Variants in REG1B observed in about 807,000 individuals in gnomAD.
The protein encoded by REG1B is lithostathine-1-beta.
In REG1B, 21 loss-of-function variants were observed where a neutral mutation model predicts 20.4. The observed-to-expected ratio is 1.03, with a 90% confidence interval of 0.73 to 1.48. The LOEUF (loss-of-function observed/expected upper bound fraction) is 1.48. Among genes scored for constraint, REG1B ranks in the 40% most tolerant of loss-of-function variants. The probability of loss-of-function intolerance (pLI) is 0.00; values close to 1 mark genes in which losing one functional copy is unlikely to be tolerated. For missense variants in REG1B, 247 were observed against 197.2 expected, an observed-to-expected ratio of 1.25 and a Z score of -1.51; for synonymous variants, 82 against 73.4, an observed-to-expected ratio of 1.12 and a Z score of -0.60.
At chr2:79,085,319 C>A in intron 5 of REG1B, 36 bp from the exon 6 acceptor site, 1 of 1,521,914 alleles carries the variant, frequency 6.6e-7, no homozygotes, top group South Asian at 1.1e-5. Flanking sequence ...CATAGAGGAT[C>A]AGAAGGAGTG....
rs1442533667 is a variant in REG1B at position 79,085,180 on chromosome 2, C to A, written c.*36G>T. The A allele has an allele frequency of 6.7e-7, 1 of 1,497,324 alleles. No individual in the cohort carries two copies. Among genetic ancestry groups the A allele is most frequent in the Non-Finnish European group, 9.3e-7 (1 of 1,073,576 alleles). The allele number at this position is 1,497,324 out of a possible 1,614,324, so 92.8% of individuals were successfully genotyped here. A position where few individuals can be genotyped will look rare whatever the true frequency, so the allele number is the denominator to read the frequency against. ...TTAATTTTTGACTTCATAGTAATTG[C>A]AGGACCAGTTCTAGACATCCATTTT... On this transcript the variant is annotated 3_prime_UTR_variant, in exon 6 of 6. Transcript: ENST00000305089.
intron 2 of REG1B, chr2:79,087,237 C>A: frequency 3.7e-6 from 2 of 533,914 alleles, no homozygotes; most frequent in South Asian, 2.5e-5. Flanking sequence ...GGTTTCCCTG[C>A]ACACGTTTGC....
chr2:79,086,997 T>G, intron 2 of REG1B, 67 bp from the exon 3 acceptor site: 1 of 1,305,590 alleles, frequency 7.7e-7, no homozygotes, highest in Non-Finnish European at 1.1e-6. Flanking sequence ...GGAAGGTGAA[T>G]TAGGGGCTTC....
At chr2:79,085,436 C>T (rs1035877165) in intron 5 of REG1B, 56 bp downstream of exon 5, 2 of 1,453,768 alleles carry the variant, frequency 1.4e-6, no homozygotes, top group Non-Finnish European at 1.9e-6. Flanking sequence ...CATGTTCATC[C>T]CCAGAGATAA....
chr2:79,087,063 T>G (rs1672411460), intron 2 of REG1B, 133 bp from the exon 3 acceptor site: 1 of 718,726 alleles, frequency 1.4e-6, no homozygotes, highest in South Asian at 1.7e-5. Flanking sequence ...GATTGCTCAC[T>G]TCTGCCCTCC....
intron 4 of REG1B, 29 bp from the exon 5 acceptor site, chr2:79,085,632 C>G: frequency 6.9e-7 from 1 of 1,446,530 alleles, no homozygotes; most frequent in Non-Finnish European, 9.6e-7. Flanking sequence ...GAACAGGGGC[C>G]ATGGTCACTC....
rs267599468 is a variant in REG1B at position 79,085,589 on chromosome 2, G to C, written c.336C>G (p.His112Gln). ...AGGAGACCAGGGACCCACTACTCCA[G>C]TGCCAGCGGCGGTTCTAGATGGAGA... Reference protein sequence around the residue: ...LHDPKKNRRWHWSSGSLVSYK... With the variant: ...LHDPKKNRRWQWSSGSLVSYK... Residue 112 changes from histidine to glutamine, a missense_variant, in exon 5 of 6, where the codon CAC becomes CAG. His to Gln is a conservative substitution (Grantham distance 24). Transcript: ENST00000305089. The C allele has an allele frequency of 1.9e-6, 3 of 1,612,714 alleles. No individual in the cohort carries two copies. The highest frequency in any genetic ancestry group is 1.7e-5 in the Admixed American group (1 of 59,904).
chr2:79,086,710 A>G (rs1393005169), intron 3 of REG1B, 102 bp downstream of exon 3: 2 of 1,331,342 alleles, frequency 1.5e-6, no homozygotes, highest in Admixed American at 1.7e-5. Context: ...TGGAATAGGG[A>G]AGGGATCAAT....
rs75903719 is a variant in REG1B at position 79,087,595 on chromosome 2, C to T, written c.18G>A (p.Ser6=). ...TCAGGGAGGAGATCAGCATGAAGAA[C>T]GAGTTGGTCTGAGCCATGCTTAGCG... MAQTN[S]FFMLISSLMF... is the part of the protein sequence containing the mutation. Residue 6 remains serine (S), a synonymous_variant, in exon 2 of 6, where the codon TCG becomes TCA. Transcript: ENST00000305089. 1.9e-4 allele frequency: 309 copies of T among 1,611,280 alleles called. 2 individuals carry two copies. The African/African-American group carries it at 3.0e-3, about 16-fold the overall frequency.
chr2:79,086,737 C>T, intron 3 of REG1B, 75 bp downstream of exon 3: 1 of 1,428,784 alleles, frequency 7.0e-7, no homozygotes, highest in Admixed American at 1.7e-5. Context: ...TCATTGCAGC[C>T]ACAGAACACA....
intron 3 of REG1B, 67 bp from the exon 4 acceptor site, chr2:79,086,571 A>G: frequency 6.3e-7 from 1 of 1,579,116 alleles, no homozygotes; most frequent in Non-Finnish European, 8.6e-7. Context: ...GAGACCTTCC[A>G]GAGGATGTAA....
At chr2:79,087,066 T>C in intron 2 of REG1B, 136 bp from the exon 3 acceptor site, 1 of 698,296 alleles carries the variant, frequency 1.4e-6, no homozygotes, top group Non-Finnish European at 2.5e-6. Flanking sequence ...TGCTCACTTC[T>C]GCCCTCCTGC....
At chr2:79,087,298 C>G (rs990312218) in intron 2 of REG1B, 1 of 551,184 alleles carries the variant, frequency 1.8e-6, no homozygotes, top group Non-Finnish European at 3.2e-6. Flanking sequence ...CCCAAACTGC[C>G]ATCGCATATA....
chr2:79,086,507 G>T lies in REG1B; in HGVS notation c.184-3C>A, dbSNP rs535185421. On this transcript the variant is annotated splice_region_variant and splice_polypyrimidine_tract_variant and intron_variant, in intron 3 of 5. Transcript: ENST00000305089. ...GAATTCATGTTCTGGCAATAGAGCT[G>T]TTGGAGAAGAAAATGGAGCACTCAG... 6.2e-7 allele frequency: 1 copy of T among 1,613,334 alleles called. No individual in the cohort carries two copies. Among genetic ancestry groups the T allele is most frequent in the East Asian group, 2.2e-5 (1 of 44,880 alleles).
intron 5 of REG1B, 92 bp downstream of exon 5, chr2:79,085,400 G>A: frequency 7.4e-7 from 1 of 1,358,866 alleles, no homozygotes; most frequent in South Asian, 1.2e-5. Context: ...CAGATAAGGA[G>A]CTTACCTTTC....
At chr2:79,087,071 T>C in intron 2 of REG1B, 141 bp from the exon 3 acceptor site, 1 of 672,984 alleles carries the variant, frequency 1.5e-6, no homozygotes, top group East Asian at 2.6e-5. Flanking sequence ...ACTTCTGCCC[T>C]CCTGCATCCT....
In REG1B at chr2:79,085,613, G is replaced by A. The variant is rs992591285; in HGVS notation, c.322-10C>T. 1.3e-6 allele frequency: 2 copies of A among 1,586,654 alleles called. No individual in the cohort carries two copies. The highest frequency in any genetic ancestry group is 1.7e-6 in the Non-Finnish European group (2 of 1,157,204). On this transcript the variant is annotated splice_polypyrimidine_tract_variant and intron_variant, in intron 4 of 5. Transcript: ENST00000305089. ...AGTGCCAGCGGCGGTTCTAGATGGA[G>A]AAGGGCCAGAACAGGGGCCATGGTC...
At chr2:79,086,644 G>A in intron 3 of REG1B, 140 bp from the exon 4 acceptor site, 1 of 1,334,634 alleles carries the variant, frequency 7.5e-7, no homozygotes, top group Non-Finnish European at 1.1e-6. Flanking sequence ...GCATCTCTGT[G>A]CTGGGAATGT....
At chr2:79,086,310 C>G (rs373489891) in intron 4 of REG1B, 57 bp downstream of exon 4, 3 of 1,589,468 alleles carry the variant, frequency 1.9e-6, no homozygotes, top group East Asian at 2.2e-5. Context: ...AGACCTTAAA[C>G]GTCCCTCTTA....
Sources: gnomAD v4.1 joint callset for allele counts on GRCh38, gnomAD v4.1.1 for gene constraint, MANE v1.5 for transcripts, NCBI Gene and HGNC (gene_info 2026-07-23, HGNC 2026-07-21) for gene names.